The following ARHGAP26 variants were observed in gnomAD, a reference collection of about 807,000 sequenced individuals.
The protein encoded by ARHGAP26 is Rho GTPase activating protein 26.
In ARHGAP26, 38 loss-of-function variants were observed where a neutral mutation model predicts 104.8. The ratio of observed to expected loss-of-function variants is 0.36; its 90% CI spans 0.28 to 0.48. ARHGAP26 has a LOEUF of 0.48. Ranked by LOEUF, ARHGAP26 falls within the 20% of genes least tolerant of loss-of-function variation. The pLI, the probability that ARHGAP26 is intolerant of heterozygous loss-of-function variation, is 0.99. For missense variants in ARHGAP26, 704 were observed against 947.9 expected (o/e 0.74, Z 3.38); for synonymous variants, 341 against 340.0 (o/e 1.00, Z -0.03).
chr5:142,885,097 G>C (rs1281233132), intron 4 of ARHGAP26, among the ~76,000 whole-genome samples: 1 of 152,186 alleles, frequency 6.6e-6, no homozygotes, highest in African/African-American at 2.4e-5. Flanking sequence ...TTCTGGTCTT[G>C]TCCTGGTTGG....
chr5:143,152,825 C>G (rs1260620278), intron 20 of ARHGAP26, among the ~76,000 whole-genome samples: 1 of 152,226 alleles, frequency 6.6e-6, no homozygotes, highest in African/African-American at 2.4e-5. Context: ...AGCTATCTCT[C>G]TCAGCGCAGC....
At chr5:142,970,642 T>C (rs1444532251) in intron 11 of ARHGAP26, among the ~76,000 whole-genome samples, 1 of 152,158 alleles carries the variant, frequency 6.6e-6, no homozygotes, top group African/African-American at 2.4e-5. Flanking sequence ...AATATGCTGA[T>C]TGGCCAGGGT....
At chr5:142,994,203 A>G (rs1479507120) in intron 11 of ARHGAP26, among the ~76,000 whole-genome samples, 5 of 152,214 alleles carry the variant, frequency 3.3e-5, no homozygotes, top group Admixed American at 1.3e-4. Context: ...AGCTTCATAG[A>G]GGAGCACGTA....
rs554016066 is a variant in ARHGAP26, at chr5:143,080,356, C to CTA, written c.1538+22610_1538+22611dup. Among the ~76,000 whole-genome samples the CTA allele has an allele frequency of 2.7e-3, 413 of 152,240 alleles. 2 individuals carry two copies. Among genetic ancestry groups the CTA allele is most frequent in the African/African-American group, 9.7e-3 (402 of 41,528 alleles). ...TTTTTTTAAAAAATAGAAGTATAGA[C>CTA]TAAATCCATTATAAAGATAATTTCA... On this transcript the variant is annotated intron_variant, in intron 17 of 22. Transcript: ENST00000645722.
At chr5:142,825,215 T>C (rs1561906076) in intron 1 of ARHGAP26, among the ~76,000 whole-genome samples, 1 of 152,248 alleles carries the variant, frequency 6.6e-6, no homozygotes, top group East Asian at 1.9e-4. Context: ...CTTACAACAG[T>C]ACCTAGCACA....
At chr5:142,932,709 G>A (rs1202719410) in intron 11 of ARHGAP26, among the ~76,000 whole-genome samples, 1 of 152,220 alleles carries the variant, frequency 6.6e-6, no homozygotes, top group African/African-American at 2.4e-5. Flanking sequence ...AATCTACAAT[G>A]CCAGAGGGCC....
intron 12 of ARHGAP26, among the ~76,000 whole-genome samples, 193 bp from the exon 13 acceptor site, chr5:143,037,003 C>T (rs774818440): frequency 6.6e-6 from 1 of 152,152 alleles, no homozygotes; most frequent in African/African-American, 2.4e-5. Context: ...AAAACCATAC[C>T]TAGCATATGG....
At chr5:142,920,052 C>A (rs949123992) in intron 10 of ARHGAP26, among the ~76,000 whole-genome samples, 3 of 152,136 alleles carry the variant, frequency 2.0e-5, no homozygotes, top group Admixed American at 6.5e-5. Flanking sequence ...AAGCAGCATT[C>A]TTGGGTGCTT....
intron 21 of ARHGAP26, 74 bp downstream of exon 21, chr5:143,207,382 G>T: frequency 6.2e-7 from 1 of 1,614,134 alleles, no homozygotes; most frequent in East Asian, 2.2e-5. Flanking sequence ...TCTTCATGCA[G>T]TGTTCAGCCT....
At chr5:143,179,822 A>AT (rs2151182163) in intron 20 of ARHGAP26, among the ~76,000 whole-genome samples, 1 of 152,252 alleles carries the variant, frequency 6.6e-6, no homozygotes, top group Admixed American at 6.5e-5. Context: ...AAATATAGGA[A>AT]TGCCTCATGT....
intron 11 of ARHGAP26, 65 bp downstream of exon 11, chr5:142,932,190 T>A: frequency 6.8e-7 from 1 of 1,472,456 alleles, no homozygotes; most frequent in Non-Finnish European, 9.5e-7. Context: ...GCTTCCCTAG[T>A]GCAGTGATTT....
At chr5:143,031,110 GAAAGCA>G (rs1781775967) in intron 12 of ARHGAP26, among the ~76,000 whole-genome samples, 3 of 152,268 alleles carry the variant, frequency 2.0e-5, no homozygotes, top group Non-Finnish European at 2.9e-5. Flanking sequence ...GTGCTGGGGA[GAAAGCA>G]TGGTTAGTTG....
intron 11 of ARHGAP26, among the ~76,000 whole-genome samples, chr5:142,957,872 T>A (rs1769520941): frequency 1.3e-5 from 2 of 152,246 alleles, no homozygotes; most frequent in Non-Finnish European, 2.9e-5. Flanking sequence ...TTTCACGCAT[T>A]GCGTTTTGCA....
intron 2 of ARHGAP26, among the ~76,000 whole-genome samples, chr5:142,874,730 A>G (rs1326310760): frequency 6.6e-6 from 1 of 152,080 alleles, no homozygotes; most frequent in African/African-American, 2.4e-5. Context: ...CTGGGTTCTG[A>G]CGCAACGCCA....
intron 11 of ARHGAP26, among the ~76,000 whole-genome samples, chr5:142,987,029 A>T (rs544287629): frequency 2.0e-5 from 3 of 152,178 alleles, no homozygotes; most frequent in African/African-American, 7.2e-5. Context: ...GTTTTTTCCA[A>T]TTCTGTGAAG....
intron 14 of ARHGAP26, among the ~76,000 whole-genome samples, chr5:143,042,260 A>G (rs1439799755): frequency 3.3e-5 from 5 of 152,170 alleles, no homozygotes; most frequent in African/African-American, 7.2e-5. Flanking sequence ...GACACACCCA[A>G]TGCCCAAGGA....
intron 4 of ARHGAP26, among the ~76,000 whole-genome samples, chr5:142,883,221 C>T (rs1212931504): frequency 6.6e-6 from 1 of 152,198 alleles, no homozygotes; most frequent in Non-Finnish European, 1.5e-5. Flanking sequence ...CTGGCCTTTT[C>T]TCACCTCTGG....
In ARHGAP26 at chr5:143,228,714, G is replaced by A. The variant is rs1184555148; in HGVS notation, c.*6268G>A. On this transcript the variant is annotated 3_prime_UTR_variant, in exon 23 of 23. Transcript: ENST00000645722. The stretch of plus-strand genomic sequence containing the variant: ...CTTTAATGTTTTCTTTTAAAATAAC[G>A]CACTGTTCTAAACTTCAGTATTGAC... 3 of 203,830 alleles carry A rather than the reference G, an allele frequency of 1.5e-5. No homozygotes were observed. Among genetic ancestry groups the A allele is most frequent in the Admixed American group, 6.0e-5 (1 of 16,682 alleles). 12.6% of individuals were successfully genotyped at this position (203,830 alleles called of 1,614,324 possible).
chr5:142,797,886 G>C (rs1442885196), intron 1 of ARHGAP26, among the ~76,000 whole-genome samples: 1 of 152,150 alleles, frequency 6.6e-6, no homozygotes, highest in Non-Finnish European at 1.5e-5. Context: ...TTCTGAGGTG[G>C]GGCTTGACAT....
Sources: gnomAD v4.1 joint callset for allele counts (sites outside exome capture counted in the v4.1 genomes callset) on GRCh38, gnomAD v4.1.1 for gene constraint, MANE v1.5 for transcripts, NCBI Gene and HGNC (gene_info 2026-07-23, HGNC 2026-07-21) for gene names.